The following TUFT1 variants were observed in gnomAD, a reference collection of about 807,000 sequenced individuals.
The protein encoded by TUFT1 is tuftelin 1.
A neutral mutation model predicts 57.8 loss-of-function variants in TUFT1; 43 were observed. The ratio of observed to expected loss-of-function variants is 0.74; its 90% confidence interval spans 0.58 to 0.96. The LOEUF is 0.96. Among genes scored for constraint, TUFT1 ranks in the 40% least tolerant of loss-of-function variants. The pLI, the probability that TUFT1 is intolerant of heterozygous loss-of-function variation, is 0.00. For missense variants in TUFT1, 459 were observed against 489.0 expected (o/e 0.94, Z 0.58); for synonymous variants, 166 against 176.7 (o/e 0.94, Z 0.48).
rs563539807 is a variant in TUFT1 at position 151,546,108 on chromosome 1, C to G, written c.60+5682C>G. 4.1e-5 allele frequency among the ~76,000 whole-genome samples: 6 copies of G among 147,744 alleles called. No individual in the cohort carries two copies. The South Asian group carries it at 1.1e-3, about 26-fold the overall frequency. The stretch of plus-strand genomic sequence containing the variant: ...GGGAACTATTTGCATTTTTTTCATC[C>G]TCTCTCTCTTTTTCTTTTTCTTTTT... On this transcript the variant is annotated intron_variant, in intron 1 of 12. Coordinates refer to ENST00000368849, the MANE Select transcript of TUFT1 (RefSeq NM_020127.3).
At chr1:151,552,451 C>T (rs534312905) in intron 1 of TUFT1, among the ~76,000 whole-genome samples, 1 of 152,272 alleles carries the variant, frequency 6.6e-6, no homozygotes, top group African/African-American at 2.4e-5. Context: ...CGCCTTTAAT[C>T]CCAGCACTTT....
In TUFT1 at chr1:151,562,271, G is replaced by A. The variant is rs543461929; in HGVS notation, c.135+106G>A. 1.3e-4 allele frequency: 135 copies of A among 1,002,094 alleles called. No individual in the cohort carries two copies. The South Asian group carries it at 1.8e-3, about 14-fold the overall frequency. The allele number at this position is 1,002,094 out of a possible 1,614,324, so 62.1% of individuals were successfully genotyped here. On this transcript the variant is annotated intron_variant, in intron 2 of 12. Transcript: ENST00000368849. ...TGGAGCCGACTCTGGTGATGCGAGC[G>A]TGGGAGCCCCTCCTTTCAGCAACAT...
Position 151,582,107 on chromosome 1 carries a change from A to G in TUFT1, c.*400A>G, listed in dbSNP as rs985921894. ...CTAAAAGCTGGAGACACAGATGTCC[A>G]GAGTGATTGGAGAATGTCCTGGGGG... On this transcript the variant is annotated 3_prime_UTR_variant, in exon 13 of 13. Transcript: ENST00000368849. 8 of 477,034 alleles carry G rather than the reference A, an allele frequency of 1.7e-5. No homozygotes were observed. The highest frequency in any genetic ancestry group is 1.6e-4 in the Admixed American group (7 of 43,104). 29.6% of individuals were successfully genotyped at this position (477,034 alleles called of 1,614,324 possible).
intron 4 of TUFT1, 147 bp downstream of exon 4, chr1:151,564,137 A>C: frequency 3.1e-6 from 2 of 651,046 alleles, no homozygotes; most frequent in Non-Finnish European, 5.3e-6. Flanking sequence ...CCGTGTGTCA[A>C]ATATATAACT....
intron 8 of TUFT1, among the ~76,000 whole-genome samples, chr1:151,574,655 G>A (rs1571717183): frequency 6.6e-6 from 1 of 152,168 alleles, no homozygotes; most frequent in Admixed American, 6.5e-5. Context: ...TCAGGGACTG[G>A]CAGCCATAGC....
chr1:151,547,507 G>C (rs1322973896), intron 1 of TUFT1, among the ~76,000 whole-genome samples: 2 of 152,182 alleles, frequency 1.3e-5, no homozygotes, highest in African/African-American at 2.4e-5. Flanking sequence ...CAGGAAGGCT[G>C]GTGGCCCAGA....
intron 1 of TUFT1, among the ~76,000 whole-genome samples, chr1:151,547,457 T>G (rs2102518830): frequency 6.6e-6 from 1 of 152,262 alleles, no homozygotes; most frequent in Non-Finnish European, 1.5e-5. Flanking sequence ...CTTTGTTTTC[T>G]AGGGGTTGGG....
rs529446640 is a variant in TUFT1 at position 151,560,236 on chromosome 1, C to T, written c.61-1855C>T. 3.3e-5 allele frequency among the ~76,000 whole-genome samples: 5 copies of T among 151,310 alleles called. No individual in the cohort carries two copies. The South Asian group carries it at 6.3e-4, about 19-fold the overall frequency. ...TTCGAGACCAGCCTGGCCAATGTGGCGAAACCCCGTCTCTACTAAAAATAC... is the reference window on the plus strand; with the variant it reads ...TTCGAGACCAGCCTGGCCAATGTGGTGAAACCCCGTCTCTACTAAAAATAC... On this transcript the variant is annotated intron_variant, in intron 1 of 12. Transcript: ENST00000368849.
intron 7 of TUFT1, 166 bp downstream of exon 7, chr1:151,569,936 C>T (rs1666205074): frequency 6.7e-6 from 4 of 598,238 alleles, no homozygotes; most frequent in African/African-American, 1.9e-5. Context: ...CTCTCCTGGA[C>T]GTTTACACTG....
Position 151,580,954 on chromosome 1 carries a change from C to G in TUFT1, c.1021C>G (p.His341Asp). Residue 341 changes from histidine to aspartate, a missense_variant, in exon 12 of 13, where the codon CAT becomes GAT. By Grantham distance (81) the His-to-Asp change is moderately conservative. Coordinates refer to ENST00000368849, the MANE Select transcript of TUFT1 (RefSeq NM_020127.3). ...AYLEAENLEMHDRMEHLIEKQ... is the reference protein window; with the variant it reads ...AYLEAENLEMDDRMEHLIEKQ... ...GCTTGTGTTACAGAATTTAGAGATG[C>G]ATGACCGGATGGAACACCTGATAGA... The G allele has an allele frequency of 6.2e-7, 1 of 1,614,134 alleles. No homozygotes were observed. Among genetic ancestry groups the G allele is most frequent in the Non-Finnish European group, 8.5e-7 (1 of 1,180,000 alleles).
intron 1 of TUFT1, among the ~76,000 whole-genome samples, chr1:151,551,336 A>G (rs1665500421): frequency 6.6e-6 from 1 of 152,104 alleles, no homozygotes; most frequent in Non-Finnish European, 1.5e-5. Context: ...ATGCAACAAC[A>G]TATTTTTTTG....
chr1:151,580,259 T>C (rs953800096), intron 11 of TUFT1, among the ~76,000 whole-genome samples: 13 of 152,218 alleles, frequency 8.5e-5, no homozygotes, highest in Non-Finnish European at 1.8e-4. Flanking sequence ...TTAGAGAGTT[T>C]GCAGTCTATA....
rs750454205 is a variant in TUFT1 at position 151,581,018 on chromosome 1, G to T, written c.1085G>T (p.Arg362Leu). 2.2e-5 allele frequency: 36 copies of T among 1,613,970 alleles called. No individual in the cohort carries two copies. The highest frequency in any genetic ancestry group is 2.5e-6 in the Non-Finnish European group (3 of 1,180,000). ...ISHGNFSTQA[R>L]AKTENPGSIR... ...CATGGCAACTTCAGCACCCAGGCCC[G>T]GGCCAAGACAGAGAACCCGGGCAGG... Residue 362 changes from arginine to leucine, a missense_variant, in exon 12 of 13, where the codon CGG (arginine) becomes CTG (leucine). By Grantham distance (102) the Arg-to-Leu change is moderately radical (BLOSUM62 -2). Coordinates refer to ENST00000368849, the MANE Select transcript of TUFT1 (RefSeq NM_020127.3).
At chr1:151,569,024 C>T (rs2102546057) in intron 6 of TUFT1, among the ~76,000 whole-genome samples, 2 of 152,330 alleles carry the variant, frequency 1.3e-5, no homozygotes, top group South Asian at 2.1e-4. Flanking sequence ...CATGTTAGCT[C>T]ATCTCTAACC....
At chr1:151,541,351 T>G (rs1207856734) in intron 1 of TUFT1, among the ~76,000 whole-genome samples, 2 of 152,272 alleles carry the variant, frequency 1.3e-5, no homozygotes, top group East Asian at 3.9e-4. Flanking sequence ...GACCATATGG[T>G]TTTTCCTCTC....
At chr1:151,557,167 T>C (rs1665728581) in intron 1 of TUFT1, among the ~76,000 whole-genome samples, 1 of 152,230 alleles carries the variant, frequency 6.6e-6, no homozygotes, top group Admixed American at 6.5e-5. Context: ...CTAGGTATTA[T>C]ACATTATGTA....
chr1:151,560,328 A>G lies in TUFT1; in HGVS notation c.61-1763A>G, dbSNP rs1665844305. On this transcript the variant is annotated intron_variant, in intron 1 of 12. Transcript: ENST00000368849. ...CTACTTGGGAGGCTGAGGCAGGAGA[A>G]TTGCTTGAGCCCAGGAGACGGAGGC... Among the ~76,000 whole-genome samples, 3 of 152,044 alleles carry G rather than the reference A, an allele frequency of 2.0e-5. No homozygotes were observed. The South Asian group carries it at 6.2e-4, about 32-fold the overall frequency.
chr1:151,575,514 C>T (rs1023595173), intron 9 of TUFT1, among the ~76,000 whole-genome samples: 5 of 152,114 alleles, frequency 3.3e-5, no homozygotes, highest in African/African-American at 9.7e-5. Flanking sequence ...AGCAGGGTCC[C>T]GTAGGTGATC....
intron 1 of TUFT1, among the ~76,000 whole-genome samples, chr1:151,545,278 C>G (rs1665297935): frequency 6.6e-6 from 1 of 151,486 alleles, no homozygotes; most frequent in Non-Finnish European, 1.5e-5. Context: ...CCATTGCACT[C>G]CAGCCTGGGC....
Sources: gnomAD v4.1 joint callset for allele counts (sites outside exome capture counted in the v4.1 genomes callset) on GRCh38, gnomAD v4.1.1 for gene constraint, MANE v1.5 for transcripts, NCBI Gene and HGNC (gene_info 2026-07-23, HGNC 2026-07-21) for gene names.